The following PHYHIPL variants were observed in gnomAD, a reference collection of about 807,000 sequenced individuals.
PHYHIPL encodes phytanoyl-CoA hydroxylase-interacting protein-like.
A neutral mutation model predicts 33.4 loss-of-function variants in PHYHIPL; 9 were observed. That is an observed-to-expected ratio of 0.27 (90% CI 0.16 to 0.47). The LOEUF (loss-of-function observed/expected upper bound fraction) is 0.47. PHYHIPL is among the 20% of genes least tolerant of loss of function. PHYHIPL has a pLI of 0.99. For synonymous variants in PHYHIPL, 153 were observed against 154.1 expected (o/e 0.99, Z 0.05); for missense variants, 365 against 460.7 (o/e 0.79, Z 1.90).
intron 1 of PHYHIPL, among the ~76,000 whole-genome samples, chr10:59,217,978 C>A (rs374558965): frequency 6.6e-6 from 1 of 151,942 alleles, no homozygotes; most frequent in Non-Finnish European, 1.5e-5. Context: ...TCCAGTTGAC[C>A]GTCCAAAGAA....
intron 1 of PHYHIPL, among the ~76,000 whole-genome samples, chr10:59,180,921 A>G (rs1024859231): frequency 8.5e-5 from 13 of 152,146 alleles, no homozygotes; most frequent in African/African-American, 3.1e-4. Flanking sequence ...ATAACTGTTA[A>G]CTTTAATAGT....
chr10:59,181,973 A>G (rs1838423736), intron 1 of PHYHIPL, among the ~76,000 whole-genome samples: 3 of 152,208 alleles, frequency 2.0e-5, no homozygotes, highest in Non-Finnish European at 1.5e-5. Flanking sequence ...TATTTAGACA[A>G]CATTCAAATT....
At chr10:59,227,529 C>A (rs1839958082) in intron 1 of PHYHIPL, among the ~76,000 whole-genome samples, 1 of 152,044 alleles carries the variant, frequency 6.6e-6, no homozygotes, top group South Asian at 2.1e-4. Flanking sequence ...TTGATGGGGA[C>A]AAACCATAGC....
At chr10:59,180,842 T>G (rs1838396596) in intron 1 of PHYHIPL, among the ~76,000 whole-genome samples, 1 of 152,178 alleles carries the variant, frequency 6.6e-6, no homozygotes. Flanking sequence ...TAACAAATGC[T>G]TAATAGCACA....
rs1564698916 is a variant in PHYHIPL, at chr10:59,180,330, AT to A, written c.106+3372del. Among the ~76,000 whole-genome samples, 4 of 58,882 alleles carry A rather than the reference AT, an allele frequency of 6.8e-5. No individual in the cohort carries two copies. In the Admixed American group the frequency reaches 9.8e-4, roughly 14 times the overall value. 38.6% of individuals were successfully genotyped at this position (58,882 alleles called of 152,430 possible). ...ATAGAAAAAGTATATATATATATATATATATATATATATATATATATATATA... is the reference window on the plus strand; with the variant it reads ...ATAGAAAAAGTATATATATATATATAATATATATATATATATATATATATA... On this transcript the variant is annotated intron_variant, in intron 1 of 4. Coordinates refer to ENST00000373880, the MANE Select transcript of PHYHIPL (RefSeq NM_032439.4).
At chr10:59,182,327 T>C (rs571604939) in intron 1 of PHYHIPL, among the ~76,000 whole-genome samples, 6 of 152,196 alleles carry the variant, frequency 3.9e-5, no homozygotes, top group Non-Finnish European at 8.8e-5. Flanking sequence ...CTTTTTAAAC[T>C]TTAAAATATT....
chr10:59,202,455 G>C (rs764332379), intron 1 of PHYHIPL, among the ~76,000 whole-genome samples: 2 of 152,122 alleles, frequency 1.3e-5, no homozygotes, highest in Non-Finnish European at 2.9e-5. Flanking sequence ...TGAATGGTTG[G>C]GAGGAGAATT....
rs1589314045 is a variant in PHYHIPL at position 59,247,431 on chromosome 10, C to T, written c.*1840C>T. On this transcript the variant is annotated 3_prime_UTR_variant, in exon 5 of 5. Transcript: ENST00000373880. ...TTATATGGCTACCTGTTGTATTCTT[C>T]CCCCCGTTTAAATCCCTTCTCCTTG... The T allele has an allele frequency of 1.5e-6, 1 of 660,130 alleles. No homozygotes were observed. Among genetic ancestry groups the T allele is most frequent in the Non-Finnish European group, 2.5e-6 (1 of 398,934 alleles). 40.9% of individuals were successfully genotyped at this position (660,130 alleles called of 1,614,324 possible).
At chr10:59,231,622 T>C (rs1292568709) in intron 1 of PHYHIPL, among the ~76,000 whole-genome samples, 1 of 152,116 alleles carries the variant, frequency 6.6e-6, no homozygotes, top group Non-Finnish European at 1.5e-5. Flanking sequence ...TGAAGTATCA[T>C]GGTGATAAAA....
chr10:59,223,087 G>A (rs1839825019), intron 1 of PHYHIPL, among the ~76,000 whole-genome samples: 2 of 152,198 alleles, frequency 1.3e-5, no homozygotes. Flanking sequence ...ACTTATGTAT[G>A]TGGGATATAG....
At chr10:59,207,545 T>C (rs1489957440) in intron 1 of PHYHIPL, among the ~76,000 whole-genome samples, 2 of 152,192 alleles carry the variant, frequency 1.3e-5, no homozygotes, top group East Asian at 3.9e-4. Context: ...AAAGTCGCTG[T>C]AGCCAGACTA....
chr10:59,191,363 G>T (rs1387112143), intron 1 of PHYHIPL, among the ~76,000 whole-genome samples: 1 of 151,872 alleles, frequency 6.6e-6, no homozygotes, highest in African/African-American at 2.4e-5. Context: ...TTTAACATTT[G>T]TTGCAGTATC....
intron 1 of PHYHIPL, among the ~76,000 whole-genome samples, chr10:59,203,668 C>CA (rs1299718212): frequency 1.3e-5 from 2 of 150,436 alleles, no homozygotes; most frequent in Non-Finnish European, 2.9e-5. Flanking sequence ...ATCGCAAGGA[C>CA]AGAAAGCCAA....
chr10:59,187,539 G>A (rs528870595), intron 1 of PHYHIPL, among the ~76,000 whole-genome samples: 1 of 152,288 alleles, frequency 6.6e-6, no homozygotes, highest in Admixed American at 6.5e-5. Flanking sequence ...CAGAGGAAAT[G>A]GTACCAGCTC....
chr10:59,180,609 A>C (rs1319508184), intron 1 of PHYHIPL, among the ~76,000 whole-genome samples: 1 of 151,978 alleles, frequency 6.6e-6, no homozygotes, highest in Non-Finnish European at 1.5e-5. Flanking sequence ...ACACATTGGA[A>C]AGAAATTACA....
chr10:59,182,672 A>G (rs538452751), intron 1 of PHYHIPL, among the ~76,000 whole-genome samples: 1 of 152,314 alleles, frequency 6.6e-6, no homozygotes, highest in South Asian at 2.1e-4. Flanking sequence ...TGAGAGTAAA[A>G]TCAGTGTTTG....
At chr10:59,179,044 A>G (rs1267696414) in intron 1 of PHYHIPL, among the ~76,000 whole-genome samples, 2 of 152,168 alleles carry the variant, frequency 1.3e-5, no homozygotes, top group East Asian at 1.9e-4. Flanking sequence ...AAAATTTGGA[A>G]ATACTTTGTT....
chr10:59,241,925 A>G (rs1262856154), intron 4 of PHYHIPL, among the ~76,000 whole-genome samples: 1 of 152,162 alleles, frequency 6.6e-6, no homozygotes, highest in East Asian at 1.9e-4. Flanking sequence ...CCCTTTACCC[A>G]CAGGATTGGG....
chr10:59,175,058 C>A (rs1002444591), upstream of PHYHIPL, among the ~76,000 whole-genome samples: 24 of 152,072 alleles, frequency 1.6e-4, no homozygotes, highest in Admixed American at 5.9e-4. Context: ...AAAAAATGAA[C>A]CCACTGTTGG....
Sources: allele counts gnomAD v4.1 joint callset (sites outside exome capture counted in the v4.1 genomes callset), GRCh38; gene constraint gnomAD v4.1.1; transcripts MANE v1.5; gene names NCBI Gene and HGNC (gene_info 2026-07-23, HGNC 2026-07-21).